Variants in CDKL3 observed in about 807,000 individuals in gnomAD.
The protein encoded by CDKL3 is cyclin dependent kinase like 3.
CDKL3 carries 65 observed loss-of-function variants against 69.3 expected under a neutral mutation model. The observed-to-expected ratio is 0.94, with a 90% confidence interval of 0.77 to 1.15. The LOEUF is 1.15. CDKL3 is among the 50% of genes most tolerant of loss of function. The pLI is 0.00. For synonymous variants in CDKL3, 202 were observed against 221.6 expected (o/e 0.91, Z 0.79); for missense variants, 652 against 689.2 (o/e 0.95, Z 0.61).
At chr5:134,319,228 G>A (rs1002446418) in intron 6 of CDKL3, 130 bp downstream of exon 6, 6 of 635,248 alleles carry the variant, frequency 9.4e-6, no homozygotes, top group Non-Finnish European at 1.2e-5. Flanking sequence ...CTACTCGGAA[G>A]GCTGAGGCAG....
chr5:134,285,173 T>C (rs1764808258), downstream of CDKL3, among the ~76,000 whole-genome samples: 1 of 152,204 alleles, frequency 6.6e-6, no homozygotes, highest in African/African-American at 2.4e-5. Flanking sequence ...TGGAGGACAG[T>C]GGCCCTCTTC....
downstream of CDKL3, among the ~76,000 whole-genome samples, chr5:134,285,468 C>A (rs1764823552): frequency 6.6e-6 from 1 of 152,210 alleles, no homozygotes; most frequent in African/African-American, 2.4e-5. Context: ...CTACATTGGC[C>A]CCCTTCAGCC....
intron 4 of CDKL3, among the ~76,000 whole-genome samples, chr5:134,347,763 T>C (rs1202430207): frequency 6.8e-6 from 1 of 147,936 alleles, no homozygotes; most frequent in Admixed American, 6.7e-5. Flanking sequence ...TGAAAAAAGC[T>C]AGTCCCAAAG....
intron 8 of CDKL3, among the ~76,000 whole-genome samples, chr5:134,293,002 C>CTTTTTTTTTTTTTTTTTTTTTTTTTT (rs558156596): frequency 2.3e-5 from 1 of 43,896 alleles, no homozygotes; most frequent in Non-Finnish European, 4.4e-5. Flanking sequence ...CTGCCAATTT[C>CTTTTTTTTTTTTTTTTTTTTTTTTTT]TTTTTTTTTT....
intron 2 of CDKL3, 124 bp from the exon 3 acceptor site, chr5:134,360,215 CT>C (rs1404936138): frequency 6.1e-5 from 45 of 739,392 alleles, no homozygotes; most frequent in Middle Eastern, 4.0e-4. Context: ...TTTCTTTTTT[CT>C]TTTTTTTGAG....
rs1181590997 is a variant in CDKL3, at chr5:134,319,396, A to AT, written c.753dup (p.Tyr252IlefsTer5). 31 of 1,535,804 alleles carry AT rather than the reference A, an allele frequency of 2.0e-5. No individual in the cohort carries two copies. The South Asian group carries it at 2.7e-4, about 14-fold the overall frequency. On this transcript the variant is annotated frameshift_variant, in exon 6 of 13. Transcript: ENST00000265334. LOFTEE classifies it high-confidence loss of function. Reference sequence around the variant, plus strand: ...GCCAACAATCCATTAAGCTTTGGATATTTTTTTCTTGCATTTTTGGGGTGT... The same window carrying AT: ...GCCAACAATCCATTAAGCTTTGGATATTTTTTTTCTTGCATTTTTGGGGTGT...
chr5:134,352,239 C>G (rs1753480176), intron 3 of CDKL3, among the ~76,000 whole-genome samples: 1 of 152,010 alleles, frequency 6.6e-6, no homozygotes, highest in Non-Finnish European at 1.5e-5. Context: ...CTGAATAGTG[C>G]TCCATTGTGT....
upstream of CDKL3, among the ~76,000 whole-genome samples, chr5:134,370,844 G>A (rs1040751987): frequency 5.3e-5 from 8 of 152,286 alleles, no homozygotes; most frequent in Middle Eastern, 3.4e-3. Flanking sequence ...CCAACCAGAG[G>A]GGAATTATTT....
chr5:134,345,219 T>C (rs1447608911), intron 4 of CDKL3, among the ~76,000 whole-genome samples: 1 of 152,134 alleles, frequency 6.6e-6, no homozygotes, highest in African/African-American at 2.4e-5. Flanking sequence ...TGGTAGTACA[T>C]ATCTGTGAAT....
chr5:134,368,076 G>A (rs1026137136), upstream of CDKL3, among the ~76,000 whole-genome samples: 2 of 152,214 alleles, frequency 1.3e-5, no homozygotes, highest in Non-Finnish European at 2.9e-5. Flanking sequence ...AATAAATCTA[G>A]TCTGGTGGGT....
chr5:134,358,842 G>A (rs925562300), intron 3 of CDKL3, among the ~76,000 whole-genome samples: 1 of 152,016 alleles, frequency 6.6e-6, no homozygotes, highest in Non-Finnish European at 1.5e-5. Context: ...TTGAACTTTT[G>A]AGCTCAAGTG....
intron 12 of CDKL3, chr5:134,299,310 A>C (rs1765749540): frequency 4.9e-6 from 1 of 203,146 alleles, no homozygotes; most frequent in East Asian, 1.4e-4. Flanking sequence ...AGACATCAGG[A>C]TCTTACTTTA....
chr5:134,293,666 G>C (rs559867637), downstream of CDKL3, among the ~76,000 whole-genome samples: 4 of 151,830 alleles, frequency 2.6e-5, no homozygotes, highest in African/African-American at 9.7e-5. Context: ...TGGATATGGC[G>C]GTGTACACCT....
chr5:134,314,485 T>C (rs1698638884), intron 6 of CDKL3, among the ~76,000 whole-genome samples: 1 of 152,210 alleles, frequency 6.6e-6, no homozygotes, highest in Non-Finnish European at 1.5e-5. Context: ...GTGTGTTCCA[T>C]ACAAAGACAA....
At chr5:134,327,963 G>T (rs1420926797) in intron 4 of CDKL3, among the ~76,000 whole-genome samples, 1 of 152,108 alleles carries the variant, frequency 6.6e-6, no homozygotes, top group African/African-American at 2.4e-5. Context: ...GGGGCTGGGG[G>T]TATTGGCTCC....
chr5:134,317,484 C>T (rs1771451298), intron 6 of CDKL3, among the ~76,000 whole-genome samples: 1 of 152,088 alleles, frequency 6.6e-6, no homozygotes, highest in Non-Finnish European at 1.5e-5. Flanking sequence ...TTTGACCAGG[C>T]ACAGTTGCTT....
chr5:134,337,351 G>A (rs1396624672), intron 4 of CDKL3, among the ~76,000 whole-genome samples: 2 of 152,180 alleles, frequency 1.3e-5, no homozygotes, highest in Non-Finnish European at 2.9e-5. Context: ...CGCCCTCTGT[G>A]GGCCGTACCC....
At chr5:134,320,671 C>G (rs575159380) in intron 5 of CDKL3, among the ~76,000 whole-genome samples, 128 of 151,860 alleles carry the variant, frequency 8.4e-4, no homozygotes, top group African/African-American at 3.0e-3. Context: ...GTCAGGAAAT[C>G]GAGACCATCC....
intron 8 of CDKL3, among the ~76,000 whole-genome samples, chr5:134,292,908 T>C (rs1212424377): frequency 6.7e-6 from 1 of 149,352 alleles, no homozygotes; most frequent in Non-Finnish European, 1.5e-5. Flanking sequence ...AAAATCTGAA[T>C]ATCTCTATTA....
Sources: gnomAD v4.1 joint callset for allele counts (sites outside exome capture counted in the v4.1 genomes callset) on GRCh38, gnomAD v4.1.1 for gene constraint, MANE v1.5 for transcripts, NCBI Gene and HGNC (gene_info 2026-07-23, HGNC 2026-07-21) for gene names.